MAD1L1: variants seen among roughly 807,000 people sequenced by gnomAD.
MAD1L1 encodes mitotic spindle assembly checkpoint protein MAD1.
MAD1L1 carries 95 observed loss-of-function variants against 96.9 expected under a neutral mutation model. That is an observed-to-expected ratio of 0.98 (90% confidence interval 0.83 to 1.16). MAD1L1 has a LOEUF of 1.16. Ranked by LOEUF, MAD1L1 falls within the 50% of genes most tolerant of loss-of-function variation. The pLI, the probability that MAD1L1 is intolerant of heterozygous loss-of-function variation, is 0.00. For synonymous variants in MAD1L1, 473 were observed against 396.6 expected, an observed-to-expected ratio of 1.19 and a Z score of -2.29; for missense variants, 1,007 against 954.4, an observed-to-expected ratio of 1.06 and a Z score of -0.73.
At chr7:2,131,196 C>A (rs993915090) in intron 11 of MAD1L1, among the ~76,000 whole-genome samples, 1 of 152,160 alleles carries the variant, frequency 6.6e-6, no homozygotes, top group African/African-American at 2.4e-5. Flanking sequence ...ACCCTGCACA[C>A]GATAAACACT....
Position 2,208,131 on chromosome 7 carries a change from C to T in MAD1L1, c.986+5081G>A, listed in dbSNP as rs561676640. Reference sequence around the variant, plus strand: ...GTTGCGTCTTAAGCTTCTCAGTGTACAAATCTTACACAGATTTTCTTATAT... The same window carrying T: ...GTTGCGTCTTAAGCTTCTCAGTGTATAAATCTTACACAGATTTTCTTATAT... On this transcript the variant is annotated intron_variant, in intron 10 of 18. Coordinates refer to ENST00000265854, the MANE Select transcript of MAD1L1 (RefSeq NM_001013836.2). Among the ~76,000 whole-genome samples, 30 of 152,238 alleles carry T rather than the reference C, an allele frequency of 2.0e-4. 1 individual carries two copies. Among genetic ancestry groups the T allele is most frequent in the Non-Finnish European group, 4.4e-5 (3 of 68,000 alleles).
intron 16 of MAD1L1, among the ~76,000 whole-genome samples, chr7:1,954,944 G>C (rs1779661794): frequency 6.6e-6 from 1 of 152,134 alleles, no homozygotes; most frequent in Non-Finnish European, 1.5e-5. Context: ...GACAGCTCTG[G>C]GCTCTTAGGG....
At chr7:2,162,084 A>T (rs1210131526) in intron 10 of MAD1L1, among the ~76,000 whole-genome samples, 1 of 152,084 alleles carries the variant, frequency 6.6e-6, no homozygotes, top group Non-Finnish European at 1.5e-5. Context: ...CCCGTCTGGG[A>T]GGTGTATCCA....
At position 2,067,745 on chromosome 7, in the gene MAD1L1, C is replaced by T. The variant is rs1378831952; in HGVS notation, c.1218+1449G>A. 5.9e-5 allele frequency among the ~76,000 whole-genome samples: 9 copies of T among 152,250 alleles called. No homozygotes were observed. The South Asian group carries it at 1.4e-3, about 24-fold the overall frequency. ...GATGACCTGCCTTCTCTCCCTCCGC[C>T]GTGGTTCTCCACACACACTTTCGCA... On this transcript the variant is annotated intron_variant, in intron 12 of 18. Transcript: ENST00000265854.
intron 18 of MAD1L1, among the ~76,000 whole-genome samples, chr7:1,889,187 C>T (rs4994763): frequency 0.6 from 91,518 of 152,078 alleles, 27,703 homozygotes; most frequent in South Asian, 0.73. Flanking sequence ...GGTCCCGGGG[C>T]TGGCAGAGGC....
rs1294755232 is a variant in MAD1L1 at position 1,815,947 on chromosome 7, G to C, written c.*123C>G. 28 of 1,191,826 alleles carry C rather than the reference G, an allele frequency of 2.3e-5. No individual in the cohort carries two copies. In the Middle Eastern group the frequency reaches 1.1e-3, roughly 47 times the overall value. 73.8% of individuals were successfully genotyped at this position (1,191,826 alleles called of 1,614,324 possible). On this transcript the variant is annotated 3_prime_UTR_variant, in exon 19 of 19. Transcript: ENST00000265854. ...GACGTAGGTCCCAGCGTGTCTGTCAGTCATGCTGCTGCCCTGTGGGGCTGG... is the reference window on the plus strand; with the variant it reads ...GACGTAGGTCCCAGCGTGTCTGTCACTCATGCTGCTGCCCTGTGGGGCTGG...
Position 1,851,879 on chromosome 7 carries a change from G to C in MAD1L1, c.1999-35651C>G, listed in dbSNP as rs150142758. On this transcript the variant is annotated intron_variant, in intron 18 of 18. Transcript: ENST00000265854. ...TAGAGTCGCCTGCCTGCCAACAGCT[G>C]GTTCGCCTGGCTGCTGCCCGGGAGC... Among the ~76,000 whole-genome samples, 984 of 152,284 alleles carry C rather than the reference G, an allele frequency of 6.5e-3. 8 individuals carry two copies. The highest frequency in any genetic ancestry group is 0.022 in the African/African-American group (930 of 41,566).
At chr7:2,026,079 T>A (rs1284869651) in intron 12 of MAD1L1, among the ~76,000 whole-genome samples, 1 of 152,168 alleles carries the variant, frequency 6.6e-6, no homozygotes, top group Non-Finnish European at 1.5e-5. Context: ...TATAGTATAC[T>A]ACATTTATAA....
intron 10 of MAD1L1, among the ~76,000 whole-genome samples, chr7:2,209,457 C>G (rs1272019092): frequency 1.3e-5 from 2 of 152,180 alleles, no homozygotes; most frequent in Non-Finnish European, 2.9e-5. Flanking sequence ...GGACACTGGT[C>G]AGAAACAAGG....
At chr7:2,124,520 T>G (rs1788138037) in intron 11 of MAD1L1, among the ~76,000 whole-genome samples, 1 of 152,180 alleles carries the variant, frequency 6.6e-6, no homozygotes, top group South Asian at 2.1e-4. Context: ...CCGGCCTGCA[T>G]GTGGCCCACC....
chr7:2,124,338 G>A (rs968745864), intron 11 of MAD1L1, among the ~76,000 whole-genome samples: 5 of 152,340 alleles, frequency 3.3e-5, no homozygotes, highest in South Asian at 2.1e-4. Context: ...ACACGGGGGT[G>A]TGGAACTACC....
intron 17 of MAD1L1, among the ~76,000 whole-genome samples, chr7:1,908,866 C>T (rs917211663): frequency 4.6e-5 from 7 of 152,332 alleles, no homozygotes; most frequent in African/African-American, 1.7e-4. Context: ...GCCTGGCTCC[C>T]CCAAGTGTCT....
intron 15 of MAD1L1, among the ~76,000 whole-genome samples, chr7:1,962,298 C>T (rs578090609): frequency 1.3e-5 from 2 of 152,322 alleles, no homozygotes; most frequent in South Asian, 4.1e-4. Flanking sequence ...GTGCCTTTTG[C>T]CTGCTGCCAT....
chr7:2,051,135 G>T (rs754964061), intron 12 of MAD1L1, among the ~76,000 whole-genome samples: 3 of 152,208 alleles, frequency 2.0e-5, no homozygotes, highest in Non-Finnish European at 4.4e-5. Flanking sequence ...GGGTAGGCAG[G>T]ACAAGGTTCC....
intron 10 of MAD1L1, among the ~76,000 whole-genome samples, chr7:2,183,981 T>C (rs1791333802): frequency 6.6e-6 from 1 of 152,120 alleles, no homozygotes. Flanking sequence ...CCGGGCGCAG[T>C]GGCTCACGCC....
At chr7:2,172,155 A>G (rs1333670966) in intron 10 of MAD1L1, among the ~76,000 whole-genome samples, 1 of 152,168 alleles carries the variant, frequency 6.6e-6, no homozygotes, top group Non-Finnish European at 1.5e-5. Context: ...GTGAAGGCCC[A>G]GGAAGTGCTT....
intron 17 of MAD1L1, among the ~76,000 whole-genome samples, chr7:1,928,574 G>A (rs909720537): frequency 4.6e-5 from 7 of 152,242 alleles, no homozygotes; most frequent in African/African-American, 1.2e-4. Flanking sequence ...AAACAGGCAT[G>A]GTCCTGCACT....
At chr7:2,122,280 T>C (rs1041486970) in intron 11 of MAD1L1, among the ~76,000 whole-genome samples, 4 of 152,194 alleles carry the variant, frequency 2.6e-5, no homozygotes, top group Admixed American at 1.3e-4. Context: ...CCTAATCTCA[T>C]ACCTCAAAGT....
chr7:1,936,564 C>G (rs984508790), intron 17 of MAD1L1, 123 bp downstream of exon 17: 211 of 1,026,746 alleles, frequency 2.1e-4, no homozygotes, highest in Non-Finnish European at 2.7e-4. Context: ...CGGCTGCCCA[C>G]AGGGGAGGAC....
Sources: allele counts gnomAD v4.1 joint callset (sites outside exome capture counted in the v4.1 genomes callset), GRCh38; gene constraint gnomAD v4.1.1; transcripts MANE v1.5; gene names NCBI Gene and HGNC (gene_info 2026-07-23, HGNC 2026-07-21).